Variants in NTM observed in about 807,000 individuals in gnomAD.
NTM encodes neurotrimin.
In NTM, 13 loss-of-function variants were observed where a neutral mutation model predicts 42.1. The ratio of observed to expected loss-of-function variants is 0.31; its 90% CI spans 0.20 to 0.49. NTM has a LOEUF of 0.49. Among genes scored for constraint, NTM ranks in the 20% least tolerant of loss-of-function variants. NTM has a pLI of 0.99. For missense variants in NTM, 373 were observed against 452.8 expected, an observed-to-expected ratio of 0.82 and a Z score of 1.60; for synonymous variants, 187 against 179.2, an observed-to-expected ratio of 1.04 and a Z score of -0.35.
chr11:132,064,176 A>ACAAAAGACTTTTGTGGGTTG (rs2081098460), intron 2 of NTM, among the ~76,000 whole-genome samples: 1 of 152,186 alleles, frequency 6.6e-6, no homozygotes, highest in Non-Finnish European at 1.5e-5. Context: ...TGTGGGTTGC[A>ACAAAAGACTTTTGTGGGTTG]CACTCTCTTT....
At chr11:131,405,230 A>G (rs1347598317) in intron 1 of NTM, among the ~76,000 whole-genome samples, 3 of 152,112 alleles carry the variant, frequency 2.0e-5, no homozygotes, top group Non-Finnish European at 4.4e-5. Context: ...TTAATTACAC[A>G]CCTTAGAATA....
intron 2 of NTM, among the ~76,000 whole-genome samples, chr11:132,116,060 C>G (rs1337517306): frequency 6.6e-6 from 1 of 152,208 alleles, no homozygotes. Context: ...TCCTTTCTCC[C>G]AGTTCCCTGG....
At chr11:132,305,574 A>G (rs917020209) in intron 4 of NTM, among the ~76,000 whole-genome samples, 6 of 152,244 alleles carry the variant, frequency 3.9e-5, no homozygotes, top group African/African-American at 1.2e-4. Flanking sequence ...ATTAAGTGTG[A>G]CACTGGTCTC....
At chr11:131,887,391 A>C (rs1187775131) in intron 1 of NTM, among the ~76,000 whole-genome samples, 2 of 152,188 alleles carry the variant, frequency 1.3e-5, no homozygotes, top group East Asian at 3.8e-4. Context: ...AATGAAACCC[A>C]AACTGTCTAG....
chr11:131,923,004 A>G (rs141949466), intron 2 of NTM, among the ~76,000 whole-genome samples: 2 of 152,114 alleles, frequency 1.3e-5, no homozygotes, highest in African/African-American at 4.8e-5. Flanking sequence ...AGGATCTGCT[A>G]TAAACTTATG....
intron 7 of NTM, chr11:132,314,975 G>T (rs2136169274): frequency 8.4e-7 from 1 of 1,191,690 alleles, no homozygotes; most frequent in African/African-American, 1.6e-5. Flanking sequence ...GTAGATCTCA[G>T]AAGTGGGAAA....
At chr11:131,677,577 C>A (rs1565411106) in intron 1 of NTM, among the ~76,000 whole-genome samples, 1 of 152,154 alleles carries the variant, frequency 6.6e-6, no homozygotes, top group South Asian at 2.1e-4. Context: ...GTGGTGATCC[C>A]TCTGTGCCCA....
intron 2 of NTM, among the ~76,000 whole-genome samples, chr11:132,021,034 G>T (rs1306343264): frequency 6.6e-6 from 1 of 151,866 alleles, no homozygotes; most frequent in Non-Finnish European, 1.5e-5. Context: ...TATATATGCT[G>T]GCACTCTGAG....
chr11:131,437,564 T>C (rs1373772604), intron 1 of NTM, among the ~76,000 whole-genome samples: 1 of 152,204 alleles, frequency 6.6e-6, no homozygotes, highest in Non-Finnish European at 1.5e-5. Flanking sequence ...CTTTTTATCT[T>C]TGTTGGTTTG....
intron 1 of NTM, among the ~76,000 whole-genome samples, chr11:131,610,987 C>T (rs2061420677): frequency 6.6e-6 from 1 of 151,956 alleles, no homozygotes; most frequent in Non-Finnish European, 1.5e-5. Flanking sequence ...TTAGAGGTGG[C>T]CAGACAAAGA....
chr11:131,982,263 G>T (rs1049186428), intron 2 of NTM, among the ~76,000 whole-genome samples: 2 of 152,080 alleles, frequency 1.3e-5, no homozygotes, highest in African/African-American at 4.8e-5. Context: ...ACAGGAACTT[G>T]CCCTGATTGG....
At chr11:131,680,547 GCC>G (rs2072379265) in intron 1 of NTM, among the ~76,000 whole-genome samples, 1 of 142,096 alleles carries the variant, frequency 7.0e-6, no homozygotes, top group Non-Finnish European at 1.5e-5. Context: ...GTCTGTGAGT[GCC>G]TGTGTGTGTG....
intron 1 of NTM, among the ~76,000 whole-genome samples, chr11:131,506,774 G>C (rs2047542265): frequency 6.6e-6 from 1 of 152,206 alleles, no homozygotes; most frequent in Non-Finnish European, 1.5e-5. Context: ...GTTTTCCAAG[G>C]CCTCTGTCTC....
intron 3 of NTM, among the ~76,000 whole-genome samples, chr11:132,154,220 G>A: frequency 6.6e-6 from 1 of 152,160 alleles, no homozygotes; most frequent in Non-Finnish European, 1.5e-5. Context: ...CTGCTAGAAT[G>A]CTACTTTCTT....
Position 131,572,657 on chromosome 11 carries a change from C to T in NTM, c.82+201769C>T, listed in dbSNP as rs142315729. ...AGAAATGCATGCCAGACAAACAACGCGAGCAGCTCAGACATCCCCACAGAG... is the reference window on the plus strand; with the variant it reads ...AGAAATGCATGCCAGACAAACAACGTGAGCAGCTCAGACATCCCCACAGAG... On this transcript the variant is annotated intron_variant, in intron 1 of 8. Transcript: ENST00000683400. 5.3e-5 allele frequency among the ~76,000 whole-genome samples: 8 copies of T among 152,254 alleles called. No individual in the cohort carries two copies. The East Asian group carries it at 1.4e-3, about 26-fold the overall frequency.
intron 1 of NTM, among the ~76,000 whole-genome samples, chr11:131,467,151 G>C (rs952582749): frequency 1.3e-5 from 2 of 152,220 alleles, no homozygotes; most frequent in African/African-American, 4.8e-5. Context: ...GGAAGGGAGA[G>C]AGTAGACGAG....
intron 2 of NTM, among the ~76,000 whole-genome samples, chr11:132,140,082 T>C (rs954165620): frequency 1.1e-4 from 16 of 152,200 alleles, no homozygotes; most frequent in Non-Finnish European, 1.8e-4. Context: ...ATTAACCCCA[T>C]GCAAGAAGAG....
chr11:132,004,791 G>T (rs2070388491), intron 2 of NTM, among the ~76,000 whole-genome samples: 1 of 151,842 alleles, frequency 6.6e-6, no homozygotes, highest in Admixed American at 6.5e-5. Context: ...CTTTCAAGGA[G>T]CTGTGGACAG....
chr11:131,540,187 C>T (rs541824899), intron 1 of NTM, among the ~76,000 whole-genome samples: 45 of 103,268 alleles, frequency 4.4e-4, no homozygotes, highest in Middle Eastern at 0.013. Flanking sequence ...TTTTTTGAGA[C>T]GGAGTCTCCC....
Sources: gnomAD v4.1 joint callset for allele counts (sites outside exome capture counted in the v4.1 genomes callset) on GRCh38, gnomAD v4.1.1 for gene constraint, MANE v1.5 for transcripts, NCBI Gene and HGNC (gene_info 2026-07-23, HGNC 2026-07-21) for gene names.